The following UBE2D4 variants were observed in gnomAD, a reference collection of about 807,000 sequenced individuals.
UBE2D4 encodes ubiquitin conjugating enzyme E2 D4, also known as ubiquitin-conjugating enzyme E2 D4.
In UBE2D4, 17 loss-of-function variants were observed where a neutral mutation model predicts 23.0. The ratio of observed to expected loss-of-function variants is 0.74; its 90% CI spans 0.51 to 1.11. The LOEUF is 1.11. Among genes scored for constraint, UBE2D4 ranks in the 50% least tolerant of loss-of-function variants. UBE2D4 has a pLI of 0.00. For missense variants in UBE2D4, 139 were observed against 181.8 expected (o/e 0.76, Z 1.35); for synonymous variants, 61 against 69.4 (o/e 0.88, Z 0.60).
intron 1 of UBE2D4, among the ~76,000 whole-genome samples, chr7:43,932,979 T>A (rs2095949279): frequency 8.7e-6 from 1 of 114,950 alleles, no homozygotes; most frequent in Non-Finnish European, 1.7e-5. Context: ...GCAACAAATG[T>A]TAAAGTATAT....
At chr7:43,936,246 A>G (rs1440298311) in intron 1 of UBE2D4, among the ~76,000 whole-genome samples, 1 of 151,954 alleles carries the variant, frequency 6.6e-6, no homozygotes, top group Non-Finnish European at 1.5e-5. Context: ...ATTTGCCAGC[A>G]TGTTTTTTTT....
intron 6 of UBE2D4, among the ~76,000 whole-genome samples, chr7:43,951,616 G>A (rs1032315136): frequency 2.0e-5 from 3 of 151,854 alleles, no homozygotes; most frequent in Non-Finnish European, 2.9e-5. Context: ...CTGCAGCCTC[G>A]ATCTTCCAGG....
At chr7:43,933,058 C>CAT (rs1228752936) in intron 1 of UBE2D4, among the ~76,000 whole-genome samples, 1 of 132,084 alleles carries the variant, frequency 7.6e-6, no homozygotes, top group Non-Finnish European at 1.6e-5. Context: ...ATATATATAA[C>CAT]ATATATACAC....
In UBE2D4 at chr7:43,954,704, C is replaced by G. The variant is rs2096010000; in HGVS notation, c.*2009C>G. On this transcript the variant is annotated 3_prime_UTR_variant, in exon 7 of 7. Coordinates refer to ENST00000222402, the MANE Select transcript of UBE2D4 (RefSeq NM_015983.4). Reference sequence around the variant, plus strand: ...GCTGTTAGCATATGGCTCTACTGAGCAGCAGTGCCATCTGGTGCCTGAGAT... The same window carrying G: ...GCTGTTAGCATATGGCTCTACTGAGGAGCAGTGCCATCTGGTGCCTGAGAT... 1 of 152,194 alleles carries G rather than the reference C, an allele frequency of 6.6e-6. No homozygotes were observed. The highest frequency in any genetic ancestry group is 6.5e-5 in the Admixed American group (1 of 15,282). The allele number at this position is 152,194 out of a possible 1,614,324, so 9.4% of individuals were successfully genotyped here. A position where few individuals can be genotyped will look rare whatever the true frequency, so the allele number is the denominator to read the frequency against.
chr7:43,949,233 T>G (rs1331559789), intron 5 of UBE2D4: 2 of 169,522 alleles, frequency 1.2e-5, no homozygotes, highest in African/African-American at 4.8e-5. Flanking sequence ...CAGTCTAAAC[T>G]GAGCTTAGAA....
intron 1 of UBE2D4, among the ~76,000 whole-genome samples, chr7:43,932,952 C>T (rs1162623007): frequency 6.9e-6 from 1 of 144,202 alleles, no homozygotes; most frequent in Non-Finnish European, 1.5e-5. Context: ...GTGTGCCATC[C>T]AGTTCCCCTC....
rs2095949652 is a variant in UBE2D4, at chr7:43,933,000, ATAT to A, written c.25-5430_25-5428del. On this transcript the variant is annotated intron_variant, in intron 1 of 6. Coordinates refer to ENST00000222402, the MANE Select transcript of UBE2D4 (RefSeq NM_015983.4). The stretch of plus-strand genomic sequence containing the variant: ...AATGTTAAAGTATATATATATATAT[ATAT>A]ATATATATATACACACACATATATA... Among the ~76,000 whole-genome samples the A allele has an allele frequency of 3.0e-5, 4 of 131,548 alleles. No homozygotes were observed. In the South Asian group the frequency reaches 1.1e-3, roughly 36 times the overall value. The allele number at this position is 131,548 out of a possible 152,430, so 86.3% of individuals were successfully genotyped here.
chr7:43,948,321 T>G (rs2095993110), intron 4 of UBE2D4, among the ~76,000 whole-genome samples: 1 of 152,238 alleles, frequency 6.6e-6, no homozygotes. Flanking sequence ...TGCATAAAAC[T>G]TCCTGGGCTT....
rs973434061 is a variant in UBE2D4 at position 43,942,527 on chromosome 7, C to T, written c.89-299C>T. On this transcript the variant is annotated intron_variant, in intron 2 of 6. Coordinates refer to ENST00000222402, the MANE Select transcript of UBE2D4 (RefSeq NM_015983.4). Reference sequence around the variant, plus strand: ...ATACAGCAATGCCAGGAGAGTAACACATCCTGACTCCACGGAGAGAGAAGA... The same window carrying T: ...ATACAGCAATGCCAGGAGAGTAACATATCCTGACTCCACGGAGAGAGAAGA... The T allele has an allele frequency of 5.8e-5, 32 of 553,264 alleles. No individual in the cohort carries two copies. In the African/African-American group the frequency reaches 5.8e-4, roughly 10 times the overall value. The allele number at this position is 553,264 out of a possible 1,614,324, so 34.3% of individuals were successfully genotyped here. A position where few individuals can be genotyped will look rare whatever the true frequency, so the allele number is the denominator to read the frequency against.
chr7:43,926,447 CGTGCAGCT>C lies in UBE2D4; in HGVS notation c.-85_-78del, dbSNP rs2095930652. 4.1e-6 allele frequency: 5 copies of C among 1,219,196 alleles called. No individual in the cohort carries two copies. The highest frequency in any genetic ancestry group is 5.3e-6 in the Non-Finnish European group (5 of 942,430). The allele number at this position is 1,219,196 out of a possible 1,614,324, so 75.5% of individuals were successfully genotyped here. A position where few individuals can be genotyped will look rare whatever the true frequency, so the allele number is the denominator to read the frequency against. ...CGCAAGCGCAGGCTGCGGCTCCCGG[CGTGCAGCT>C]TGGTGGCGGCTGAGCCGGCAGCGGG... On this transcript the variant is annotated 5_prime_UTR_variant, in exon 1 of 7. Transcript: ENST00000222402.
Position 43,955,071 on chromosome 7 carries a change from A to G in UBE2D4, c.*2376A>G, listed in dbSNP as rs891234089. 4 of 152,350 alleles carry G rather than the reference A, an allele frequency of 2.6e-5. No homozygotes were observed. The highest frequency in any genetic ancestry group is 9.6e-5 in the African/African-American group (4 of 41,580). 9.4% of individuals were successfully genotyped at this position (152,350 alleles called of 1,614,324 possible). On this transcript the variant is annotated 3_prime_UTR_variant, in exon 7 of 7. Transcript: ENST00000222402. ...AGCCTAAGGTGGCTTTGTACCTTCC[A>G]GATCTCTCAGCAAATCCCCTGGGCA...
rs368812819 is a variant in UBE2D4, at chr7:43,937,336, G to A, written c.25-1095G>A. The stretch of plus-strand genomic sequence containing the variant: ...GTGCTGAGGGGCACATAGCAGAGAG[G>A]TAAGCTAAAAGGAACTGTTCCACAG... On this transcript the variant is annotated intron_variant, in intron 1 of 6. Transcript: ENST00000222402. Among the ~76,000 whole-genome samples, 203 of 152,330 alleles carry A rather than the reference G, an allele frequency of 1.3e-3. 1 individual carries two copies. The highest frequency in any genetic ancestry group is 4.1e-3 in the African/African-American group (169 of 41,578).
intron 2 of UBE2D4, among the ~76,000 whole-genome samples, chr7:43,940,366 C>G (rs2095968787): frequency 6.6e-6 from 1 of 152,348 alleles, no homozygotes; most frequent in South Asian, 2.1e-4. Flanking sequence ...CATGCTTCCC[C>G]TCTTACCTGT....
chr7:43,926,818 C>T (rs1044934474), intron 1 of UBE2D4, among the ~76,000 whole-genome samples: 1 of 152,252 alleles, frequency 6.6e-6, no homozygotes, highest in African/African-American at 2.4e-5. Context: ...CACCTGCAGG[C>T]TTCTGGACAG....
chr7:43,948,690 T>C lies in UBE2D4; in HGVS notation c.257T>C (p.Leu86Pro). 1 of 1,613,950 alleles carries C rather than the reference T, an allele frequency of 6.2e-7. No individual in the cohort carries two copies. Among genetic ancestry groups the C allele is most frequent in the Non-Finnish European group, 8.5e-7 (1 of 1,179,948 alleles). The change falls in exon 5 of 7, where the codon CTT becomes CCT. Residue 86 changes from leucine to proline, a missense_variant. Coordinates refer to ENST00000222402, the MANE Select transcript of UBE2D4 (RefSeq NM_015983.4). ...PNINSNGSIC[L>P]DILRSQWSPA... ...ATCAACAGCAATGGCAGCATCTGCC[T>C]TGATATCCTGCGGTCTCAGTGGTCT...
chr7:43,950,545 G>A, intron 5 of UBE2D4, 54 bp from the exon 6 acceptor site: 3 of 1,447,456 alleles, frequency 2.1e-6, no homozygotes, highest in Non-Finnish European at 1.9e-6. Context: ...TTTACCCAGG[G>A]GTGACCCAGC....
intron 1 of UBE2D4, among the ~76,000 whole-genome samples, chr7:43,938,000 C>T (rs2095962200): frequency 6.6e-6 from 1 of 152,066 alleles, no homozygotes; most frequent in African/African-American, 2.4e-5. Context: ...AATTCATTAG[C>T]CTAGCAGTAA....
intron 4 of UBE2D4, 46 bp downstream of exon 4, chr7:43,943,077 C>T: frequency 1.3e-6 from 2 of 1,592,354 alleles, no homozygotes; most frequent in Non-Finnish European, 1.7e-6. Flanking sequence ...TGAAGGACAG[C>T]ATGTGACAAG....
intron 4 of UBE2D4, chr7:43,946,066 C>G (rs1284982960): frequency 6.6e-6 from 1 of 152,208 alleles, no homozygotes; most frequent in Non-Finnish European, 1.5e-5. Flanking sequence ...ACAGGTGTGA[C>G]CACTGTGCCC....
Sources: allele counts gnomAD v4.1 joint callset (sites outside exome capture counted in the v4.1 genomes callset), GRCh38; gene constraint gnomAD v4.1.1; transcripts MANE v1.5; gene names NCBI Gene and HGNC (gene_info 2026-07-23, HGNC 2026-07-21).